SLC9A3: variants seen among roughly 807,000 people sequenced by gnomAD.
SLC9A3 encodes the protein sodium/hydrogen exchanger 3.
Under a neutral mutation model 86.8 loss-of-function variants are expected in SLC9A3, and 37 were observed. That is an observed-to-expected ratio of 0.43 (90% CI 0.33 to 0.56). SLC9A3 has a LOEUF of 0.56. Among genes scored for constraint, SLC9A3 ranks in the 20% least tolerant of loss-of-function variants. The pLI, the probability that SLC9A3 is intolerant of heterozygous loss-of-function variation, is 0.06. For missense variants in SLC9A3, 1,011 were observed against 1,171.9 expected, an observed-to-expected ratio of 0.86 and a Z score of 2.00; for synonymous variants, 581 against 528.3, an observed-to-expected ratio of 1.10 and a Z score of -1.37.
At chr5:523,048 G>A (rs1043213835) in intron 1 of SLC9A3, among the ~76,000 whole-genome samples, 1 of 152,188 alleles carries the variant, frequency 6.6e-6, no homozygotes, top group Non-Finnish European at 1.5e-5. Flanking sequence ...AGGAGGCTGC[G>A]GAGAAGGGAG....
chr5:476,160 C>G, intron 13 of SLC9A3, 42 bp downstream of exon 13: 1 of 1,612,680 alleles, frequency 6.2e-7, no homozygotes, highest in East Asian at 2.2e-5. Flanking sequence ...GCCCCCGCTC[C>G]AGGCCCCAGC....
Position 481,602 on chromosome 5 carries a change from T to C in SLC9A3, c.1480A>G (p.Ile494Val). 4 of 1,614,118 alleles carry C rather than the reference T, an allele frequency of 2.5e-6. No individual in the cohort carries two copies. Among genetic ancestry groups the C allele is most frequent in the Admixed American group, 1.7e-5 (1 of 60,022 alleles). Residue 494 changes from isoleucine to valine, a missense_variant, in exon 9 of 17, where the codon ATA (isoleucine) becomes GTA (valine). By Grantham distance (29) the Ile-to-Val change is conservative. This residue lies in a region of SLC9A3 where 565 missense variants were observed against 790.0 expected (regional missense o/e 0.72). Coordinates refer to ENST00000264938, the MANE Select transcript of SLC9A3 (RefSeq NM_004174.4). ...TAATTGTGCCCGATCTGTCCGGATA[T>C]GTCCTCGATGGCCGAGAGGATGTGG... ...FDHILSAIED[I>V]SGQIGHNYLR...
intron 1 of SLC9A3, among the ~76,000 whole-genome samples, chr5:518,532 T>C (rs750245346): frequency 7.9e-5 from 12 of 152,128 alleles, no homozygotes; most frequent in Non-Finnish European, 1.5e-4. Flanking sequence ...CAAGGGTGGG[T>C]GAGGAAAGCC....
At chr5:475,952 G>T in intron 14 of SLC9A3, 68 bp downstream of exon 14, 1 of 1,364,806 alleles carries the variant, frequency 7.3e-7, no homozygotes, top group Non-Finnish European at 1.0e-6. Flanking sequence ...AGGTTCCCGA[G>T]CCGGGAGGGC....
chr5:519,517 G>A (rs1245565932), intron 1 of SLC9A3, among the ~76,000 whole-genome samples: 1 of 152,212 alleles, frequency 6.6e-6, no homozygotes, highest in Non-Finnish European at 1.5e-5. Flanking sequence ...CTGCACCTGG[G>A]AGAAATCCAC....
At chr5:482,774 C>G in intron 6 of SLC9A3, 24 bp from the exon 7 acceptor site, 1 of 1,563,798 alleles carries the variant, frequency 6.4e-7, no homozygotes, top group Non-Finnish European at 8.7e-7. Context: ...GGCGGGCACT[C>G]AGCTCCCCGG....
At chr5:500,881 A>ATGGGGTCGGTGTGGATGGGGCCG (rs1740245450) in intron 1 of SLC9A3, among the ~76,000 whole-genome samples, 1 of 137,794 alleles carries the variant, frequency 7.3e-6, no homozygotes. Flanking sequence ...ACACAGAGTC[A>ATGGGGTCGGTGTGGATGGGGCCG]GTGTGGACAT....
intron 1 of SLC9A3, among the ~76,000 whole-genome samples, chr5:508,254 C>G (rs1740704842): frequency 6.7e-6 from 1 of 150,082 alleles, no homozygotes; most frequent in East Asian, 2.0e-4. Context: ...ATGGAGATGC[C>G]GCAGAGAGAC....
At chr5:499,595 G>T (rs570244032) in intron 1 of SLC9A3, among the ~76,000 whole-genome samples, 5 of 152,230 alleles carry the variant, frequency 3.3e-5, no homozygotes, top group Non-Finnish European at 7.3e-5. Context: ...ATGCTGGGCC[G>T]TCCTTCCTTC....
chr5:488,255 T>A, intron 3 of SLC9A3, 61 bp downstream of exon 3: 1 of 1,572,504 alleles, frequency 6.4e-7, no homozygotes, highest in East Asian at 2.3e-5. Context: ...CGATGGGGGG[T>A]GAGACGGGGC....
In SLC9A3 at chr5:477,214, C is replaced by T. The variant is rs1738803679; in HGVS notation, c.1760+118G>A. ...AGGAGACACCCACCCCCTCTTTCTG[C>T]ACCTCTCCCCTCTTCCATGCCACCC... On this transcript the variant is annotated intron_variant, in intron 11 of 16. Coordinates refer to ENST00000264938, the MANE Select transcript of SLC9A3 (RefSeq NM_004174.4). 19 of 670,658 alleles carry T rather than the reference C, an allele frequency of 2.8e-5. No individual in the cohort carries two copies. In the East Asian group the frequency reaches 5.2e-4, roughly 18 times the overall value. The allele number at this position is 670,658 out of a possible 1,614,324, so 41.5% of individuals were successfully genotyped here. A position where few individuals can be genotyped will look rare whatever the true frequency, so the allele number is the denominator to read the frequency against.
At chr5:475,212 C>G in intron 15 of SLC9A3, 80 bp from the exon 16 acceptor site, 4 of 1,449,276 alleles carry the variant, frequency 2.8e-6, no homozygotes, top group Admixed American at 4.4e-5. Context: ...CCGTCACCTG[C>G]TGGGTGCCTT....
chr5:490,785 A>G (rs1739697722), intron 2 of SLC9A3, among the ~76,000 whole-genome samples: 1 of 152,196 alleles, frequency 6.6e-6, no homozygotes, highest in Non-Finnish European at 1.5e-5. Context: ...GGCATCGCCC[A>G]CGTGACGGGC....
chr5:484,696 C>T lies in SLC9A3; in HGVS notation c.756G>A (p.Val252=). Residue 252 remains valine, a splice_region_variant and synonymous_variant, in exon 5 of 17, where the codon GTG becomes GTA. Transcript: ENST00000264938. ...CCCCCAGGCTCACCACGAAGAAGGA[C>T]ACTGGGTAGAGGACGCCCTTTGTGG... The part of the protein sequence containing the change: ...VTGVDCVKGI[V]SFFVVSLGGT... 1.2e-6 allele frequency: 2 copies of T among 1,612,900 alleles called. No individual in the cohort carries two copies. Among genetic ancestry groups the T allele is most frequent in the Non-Finnish European group, 1.7e-6 (2 of 1,179,924 alleles).
chr5:492,456 G>A (rs1202134733), intron 1 of SLC9A3, among the ~76,000 whole-genome samples: 1 of 150,202 alleles, frequency 6.7e-6, no homozygotes, highest in African/African-American at 2.5e-5. Flanking sequence ...GAGCCCTCGG[G>A]GGAGGGGAGG....
rs1164506467 is a variant in SLC9A3, at chr5:472,132, T to TC, written c.*1246dup. 6 of 391,326 alleles carry TC rather than the reference T, an allele frequency of 1.5e-5. No homozygotes were observed. The highest frequency in any genetic ancestry group is 3.1e-5 in the Non-Finnish European group (6 of 196,686). 24.2% of individuals were successfully genotyped at this position (391,326 alleles called of 1,614,324 possible). Reference sequence around the variant, plus strand: ...AGGGATGGATGGACTCCGAGCACCCTCCCCGGCTCAGCACCCGCGGCCTCC... The same window carrying TC: ...AGGGATGGATGGACTCCGAGCACCCTCCCCCGGCTCAGCACCCGCGGCCTCC... On this transcript the variant is annotated 3_prime_UTR_variant, in exon 17 of 17. Transcript: ENST00000264938.
intron 5 of SLC9A3, among the ~76,000 whole-genome samples, chr5:483,735 G>T (rs536326872): frequency 1.6e-4 from 24 of 152,264 alleles, no homozygotes; most frequent in Admixed American, 1.4e-3. Context: ...GGCAACAAAG[G>T]GTTCCAAAGT....
In SLC9A3 at chr5:476,000, C is replaced by A. The variant is rs762302790; in HGVS notation, c.2140+20G>T. The A allele has an allele frequency of 6.3e-7, 1 of 1,594,720 alleles. No individual in the cohort carries two copies. The highest frequency in any genetic ancestry group is 2.2e-5 in the East Asian group (1 of 44,662). On this transcript the variant is annotated intron_variant, in intron 14 of 16. Coordinates refer to ENST00000264938, the MANE Select transcript of SLC9A3 (RefSeq NM_004174.4). ...GTGGTGGCTCCCAGTCCCAGCGTTC[C>A]TGCAGGGCCCCCAGCGCACCTTTCT...
intron 1 of SLC9A3, among the ~76,000 whole-genome samples, chr5:495,064 C>T (rs1739959264): frequency 6.6e-6 from 1 of 151,784 alleles, no homozygotes; most frequent in African/African-American, 2.4e-5. Context: ...GGATAAAATC[C>T]AGCGACCACA....
Sources: gnomAD v4.1 joint callset for allele counts (sites outside exome capture counted in the v4.1 genomes callset) on GRCh38, gnomAD v4.1.1 for gene constraint, gnomAD v4.1.1 regional missense constraint, MANE v1.5 for transcripts, NCBI Gene and HGNC (gene_info 2026-07-23, HGNC 2026-07-21) for gene names.